PRKG1: variants seen among roughly 807,000 people sequenced by gnomAD.
PRKG1 encodes cGMP-dependent protein kinase 1.
In PRKG1, 35 loss-of-function variants were observed where a neutral mutation model predicts 88.1. The ratio of observed to expected loss-of-function variants is 0.40; its 90% CI spans 0.30 to 0.53. PRKG1 has a LOEUF of 0.53. Among genes scored for constraint, PRKG1 ranks in the 20% least tolerant of loss-of-function variants. The pLI is 0.59. For missense variants in PRKG1, 540 were observed against 839.8 expected, an observed-to-expected ratio of 0.64 and a Z score of 4.41; for synonymous variants, 303 against 292.5, an observed-to-expected ratio of 1.04 and a Z score of -0.37.
At chr10:51,644,917 A>C (rs1839880647) in intron 3 of PRKG1, among the ~76,000 whole-genome samples, 2 of 152,162 alleles carry the variant, frequency 1.3e-5, no homozygotes. Flanking sequence ...CCTCCAGAGT[A>C]GGTGGGATTA....
intron 5 of PRKG1, among the ~76,000 whole-genome samples, chr10:51,965,681 C>T (rs1843549937): frequency 1.3e-5 from 2 of 152,006 alleles, no homozygotes; most frequent in Non-Finnish European, 2.9e-5. Context: ...AAGGGAGGCA[C>T]CAGGCAGTAA....
intron 6 of PRKG1, among the ~76,000 whole-genome samples, chr10:52,054,889 C>T (rs1381729572): frequency 3.3e-5 from 5 of 152,108 alleles, no homozygotes; most frequent in Non-Finnish European, 5.9e-5. Flanking sequence ...AACCTCAGCA[C>T]TTTGGGAGGC....
At position 51,799,614 on chromosome 10, in the gene PRKG1, G is replaced by A. The variant is rs192752685; in HGVS notation, c.593-4971G>A. Among the ~76,000 whole-genome samples the A allele has an allele frequency of 2.1e-4, 32 of 151,970 alleles. 1 individual carries two copies. The East Asian group carries it at 5.4e-3, about 26-fold the overall frequency. Reference sequence around the variant, plus strand: ...AGCTGTGGGGATCCTAGGAGATACTGGGGGAAAGGCTGGGAAGGGCTGTCA... The same window carrying A: ...AGCTGTGGGGATCCTAGGAGATACTAGGGGAAAGGCTGGGAAGGGCTGTCA... On this transcript the variant is annotated intron_variant, in intron 3 of 17. Coordinates refer to ENST00000373980, the MANE Select transcript of PRKG1 (RefSeq NM_006258.4).
intron 1 of PRKG1, among the ~76,000 whole-genome samples, chr10:51,067,525 A>G (rs1843768049): frequency 6.6e-6 from 1 of 152,014 alleles, no homozygotes; most frequent in South Asian, 2.1e-4. Flanking sequence ...CCACAAATAA[A>G]CATTGTGAAG....
At chr10:51,151,246 A>G (rs1178015638) in intron 1 of PRKG1, among the ~76,000 whole-genome samples, 5 of 152,096 alleles carry the variant, frequency 3.3e-5, no homozygotes, top group African/African-American at 4.8e-5. Flanking sequence ...TTAATCCCAG[A>G]ATAGTAGATC....
intron 1 of PRKG1, among the ~76,000 whole-genome samples, chr10:51,135,207 A>T (rs531834955): frequency 7.3e-4 from 111 of 152,324 alleles, no homozygotes; most frequent in African/African-American, 2.6e-3. Flanking sequence ...TTTCCCAATT[A>T]AGGGATTTTT....
chr10:51,728,799 T>C (rs1217677092), intron 3 of PRKG1, among the ~76,000 whole-genome samples: 2 of 152,202 alleles, frequency 1.3e-5, no homozygotes, highest in East Asian at 3.9e-4. Flanking sequence ...TGCTTCATTA[T>C]GGCAAGGGGG....
Position 52,294,108 on chromosome 10 carries a change from T to G in PRKG1, c.*208T>G, listed in dbSNP as rs1842332572. The G allele has an allele frequency of 2.2e-6, 1 of 461,680 alleles. No homozygotes were observed. Among genetic ancestry groups the G allele is most frequent in the African/African-American group, 2.0e-5 (1 of 50,214 alleles). 28.6% of individuals were successfully genotyped at this position (461,680 alleles called of 1,614,324 possible). A position where few individuals can be genotyped will look rare whatever the true frequency, so the allele number is the denominator to read the frequency against. Reference sequence around the variant, plus strand: ...ACATGTTTTCTGTTTGAACCTAAAATAGCAGTTGACATGGTGGTCCTGAAG... The same window carrying G: ...ACATGTTTTCTGTTTGAACCTAAAAGAGCAGTTGACATGGTGGTCCTGAAG... On this transcript the variant is annotated 3_prime_UTR_variant, in exon 18 of 18. Transcript: ENST00000373980.
chr10:51,326,111 T>C (rs180827654), intron 2 of PRKG1, among the ~76,000 whole-genome samples: 1 of 152,340 alleles, frequency 6.6e-6, no homozygotes, highest in East Asian at 1.9e-4. Flanking sequence ...TTGGATTGCC[T>C]AATAACACTA....
chr10:51,890,155 A>T (rs990292107), intron 4 of PRKG1, among the ~76,000 whole-genome samples: 1 of 152,162 alleles, frequency 6.6e-6, no homozygotes, highest in Non-Finnish European at 1.5e-5. Flanking sequence ...CTGAATGGTA[A>T]TGCCTAGGTT....
chr10:51,006,629 T>C (rs1842943146), intron 1 of PRKG1, among the ~76,000 whole-genome samples: 1 of 152,224 alleles, frequency 6.6e-6, no homozygotes, highest in African/African-American at 2.4e-5. Context: ...TACTCTGACA[T>C]AGGTCATATT....
At chr10:51,013,804 G>A (rs1030912724) in intron 1 of PRKG1, among the ~76,000 whole-genome samples, 1 of 152,170 alleles carries the variant, frequency 6.6e-6, no homozygotes, top group South Asian at 2.1e-4. Context: ...AAGTTATAAA[G>A]GATAACCTTT....
At chr10:52,166,780 A>G (rs1838453632) in intron 9 of PRKG1, among the ~76,000 whole-genome samples, 1 of 66,126 alleles carries the variant, frequency 1.5e-5, no homozygotes, top group Admixed American at 2.0e-4. Context: ...TCTTCAAATA[A>G]AAAAGCCTAT....
chr10:51,200,060 A>T (rs1211420157), intron 2 of PRKG1, among the ~76,000 whole-genome samples: 1 of 152,244 alleles, frequency 6.6e-6, no homozygotes, highest in South Asian at 2.1e-4. Context: ...AATAGTAAGT[A>T]TCAGGACACA....
chr10:51,044,199 G>T (rs1450666317), intron 1 of PRKG1, among the ~76,000 whole-genome samples: 2 of 152,008 alleles, frequency 1.3e-5, no homozygotes, highest in African/African-American at 4.8e-5. Flanking sequence ...CGTAGTTCTG[G>T]ATCTTTCAGA....
chr10:51,953,425 G>C (rs966977028), intron 5 of PRKG1, among the ~76,000 whole-genome samples: 6 of 152,090 alleles, frequency 3.9e-5, no homozygotes, highest in African/African-American at 2.4e-5. Flanking sequence ...CAGTGTGCTG[G>C]CATCATCAAA....
Position 51,604,380 on chromosome 10 carries a change from T to A in PRKG1, c.592+136544T>A, listed in dbSNP as rs952945200. Reference sequence around the variant, plus strand: ...TTAAGATGGCGTTTATAAAAGTTGTTTTTTAACCTTCTAAAATGTTGTTTC... The same window carrying A: ...TTAAGATGGCGTTTATAAAAGTTGTATTTTAACCTTCTAAAATGTTGTTTC... On this transcript the variant is annotated intron_variant, in intron 3 of 17. Coordinates refer to ENST00000373980, the MANE Select transcript of PRKG1 (RefSeq NM_006258.4). Among the ~76,000 whole-genome samples, 16 of 152,310 alleles carry A rather than the reference T, an allele frequency of 1.1e-4. No homozygotes were observed. In the East Asian group the frequency reaches 3.1e-3, roughly 29 times the overall value.
At chr10:51,149,439 G>A (rs376474876) in intron 1 of PRKG1, among the ~76,000 whole-genome samples, 4 of 152,204 alleles carry the variant, frequency 2.6e-5, no homozygotes, top group African/African-American at 9.6e-5. Context: ...CTAAGATTGT[G>A]TAGAAAGATA....
At chr10:51,869,941 GAA>G (rs1194360949) in intron 4 of PRKG1, among the ~76,000 whole-genome samples, 9 of 152,124 alleles carry the variant, frequency 5.9e-5, no homozygotes, top group African/African-American at 1.9e-4. Flanking sequence ...AGGGATTGAA[GAA>G]AAAAATGTTT....
Sources: allele counts gnomAD v4.1 joint callset (sites outside exome capture counted in the v4.1 genomes callset), GRCh38; gene constraint gnomAD v4.1.1; transcripts MANE v1.5; gene names NCBI Gene and HGNC (gene_info 2026-07-23, HGNC 2026-07-21).